Variants in MPPED2 observed in about 807,000 individuals in gnomAD.
MPPED2 encodes the protein metallophosphoesterase domain containing 2, also known as metallophosphoesterase MPPED2.
MPPED2 carries 5 observed loss-of-function variants against 33.0 expected under a neutral mutation model. The observed-to-expected ratio is 0.15, with a 90% CI of 0.08 to 0.32. MPPED2 has a LOEUF of 0.32. Among genes scored for constraint, MPPED2 ranks in the 10% least tolerant of loss-of-function variants. The probability of loss-of-function intolerance (pLI) is 1.00; values close to 1 mark genes in which losing one functional copy is unlikely to be tolerated. For synonymous variants in MPPED2, 136 were observed against 141.9 expected (o/e 0.96, Z 0.29); for missense variants, 275 against 372.1 (o/e 0.74, Z 2.15).
At chr11:30,433,187 T>C (rs1481427831) in intron 4 of MPPED2, among the ~76,000 whole-genome samples, 2 of 152,224 alleles carry the variant, frequency 1.3e-5, no homozygotes, top group Non-Finnish European at 2.9e-5. Context: ...AAGGGTTCTA[T>C]GGTTAAATAA....
intron 2 of MPPED2, among the ~76,000 whole-genome samples, chr11:30,558,586 T>G (rs1457358781): frequency 1.3e-5 from 2 of 151,652 alleles, no homozygotes; most frequent in Admixed American, 1.3e-4. Flanking sequence ...CAGCTTTTTT[T>G]TTTTTTTTAA....
intron 4 of MPPED2, among the ~76,000 whole-genome samples, chr11:30,490,919 T>C (rs1951952128): frequency 6.6e-6 from 1 of 152,212 alleles, no homozygotes; most frequent in Non-Finnish European, 1.5e-5. Flanking sequence ...CGATTACTTT[T>C]GAGAAACCTG....
intron 3 of MPPED2, among the ~76,000 whole-genome samples, chr11:30,533,916 T>C (rs1204009207): frequency 6.6e-6 from 1 of 152,248 alleles, no homozygotes; most frequent in East Asian, 1.9e-4. Context: ...TTACTTCTGA[T>C]CTACTAAATA....
chr11:30,403,639 A>ATCACCATCGTCTTTTATCTTCATT (rs1947945324), intron 6 of MPPED2, among the ~76,000 whole-genome samples: 1 of 152,216 alleles, frequency 6.6e-6, no homozygotes, highest in Admixed American at 6.5e-5. Flanking sequence ...TGATGCTTCA[A>ATCACCATCGTCTTTTATCTTCATT]ATCTTTTATC....
intron 4 of MPPED2, among the ~76,000 whole-genome samples, chr11:30,421,248 C>G (rs1034532203): frequency 7.9e-5 from 12 of 152,140 alleles, no homozygotes; most frequent in African/African-American, 2.7e-4. Context: ...TCTCTTAAAA[C>G]CCCACAGCCA....
intron 4 of MPPED2, among the ~76,000 whole-genome samples, chr11:30,443,793 C>T (rs1180635965): frequency 1.3e-5 from 2 of 152,192 alleles, no homozygotes; most frequent in Admixed American, 1.3e-4. Flanking sequence ...GTATGAATTA[C>T]TGACAGTTCT....
intron 4 of MPPED2, among the ~76,000 whole-genome samples, chr11:30,481,489 G>T (rs1383614396): frequency 6.6e-6 from 1 of 152,138 alleles, no homozygotes; most frequent in African/African-American, 2.4e-5. Flanking sequence ...TTGAACAAAA[G>T]CATCCAAGTC....
chr11:30,577,049 C>T (rs952011385), intron 2 of MPPED2, among the ~76,000 whole-genome samples: 1 of 152,152 alleles, frequency 6.6e-6, no homozygotes, highest in East Asian at 1.9e-4. Flanking sequence ...AAGATGGGGA[C>T]TGGGTCTTAT....
intron 4 of MPPED2, among the ~76,000 whole-genome samples, chr11:30,430,364 A>G (rs1312166324): frequency 6.6e-6 from 1 of 152,212 alleles, no homozygotes; most frequent in Non-Finnish European, 1.5e-5. Flanking sequence ...ATGTGAAAAT[A>G]CTTTAATAGC....
chr11:30,547,524 T>C (rs972923487), intron 2 of MPPED2, among the ~76,000 whole-genome samples: 2 of 152,216 alleles, frequency 1.3e-5, no homozygotes, highest in African/African-American at 4.8e-5. Context: ...ACATTAAGCT[T>C]GGAAGTTAGA....
At chr11:30,490,479 T>G (rs1018353596) in intron 4 of MPPED2, among the ~76,000 whole-genome samples, 7 of 152,158 alleles carry the variant, frequency 4.6e-5, no homozygotes, top group African/African-American at 7.2e-5. Context: ...CCTTAAGGCC[T>G]CCTGAGGTAA....
chr11:30,495,241 T>C, intron 4 of MPPED2, 55 bp downstream of exon 4: 2 of 1,227,526 alleles, frequency 1.6e-6, no homozygotes, highest in Admixed American at 3.5e-5. Context: ...TGAGCTGTGT[T>C]TTCTTGGTAC....
chr11:30,520,824 G>T (rs565698742), intron 3 of MPPED2, among the ~76,000 whole-genome samples: 1 of 152,160 alleles, frequency 6.6e-6, no homozygotes. Flanking sequence ...TGGTTGCAAA[G>T]GTTGTTCACT....
chr11:30,558,147 C>T (rs1047826339), intron 2 of MPPED2, among the ~76,000 whole-genome samples: 17 of 152,132 alleles, frequency 1.1e-4, no homozygotes, highest in African/African-American at 2.9e-4. Flanking sequence ...CACACACACA[C>T]GTATATATTT....
chr11:30,395,293 C>T (rs1947826023), intron 6 of MPPED2, among the ~76,000 whole-genome samples: 1 of 152,088 alleles, frequency 6.6e-6, no homozygotes, highest in Non-Finnish European at 1.5e-5. Flanking sequence ...ATAGTATATT[C>T]CAGGTCAGTA....
chr11:30,564,927 A>G (rs1321966120), intron 2 of MPPED2, among the ~76,000 whole-genome samples: 1 of 152,178 alleles, frequency 6.6e-6, no homozygotes, highest in Non-Finnish European at 1.5e-5. Flanking sequence ...CATGTAAACA[A>G]TTCAGAACCT....
intron 2 of MPPED2, among the ~76,000 whole-genome samples, chr11:30,538,033 T>TC (rs1954906447): frequency 6.6e-6 from 1 of 152,152 alleles, no homozygotes; most frequent in Non-Finnish European, 1.5e-5. Flanking sequence ...TGGGGCTGAC[T>TC]GTGTCACTCT....
At chr11:30,398,163 T>C in intron 6 of MPPED2, among the ~76,000 whole-genome samples, 1 of 152,168 alleles carries the variant, frequency 6.6e-6, no homozygotes, top group Non-Finnish European at 1.5e-5. Flanking sequence ...CAGAGTTAAA[T>C]TTGCCTCAAT....
intron 2 of MPPED2, among the ~76,000 whole-genome samples, chr11:30,541,983 T>C (rs1955146732): frequency 1.3e-5 from 2 of 152,200 alleles, no homozygotes; most frequent in Non-Finnish European, 2.9e-5. Context: ...TAAACTTATA[T>C]TTGTGATGTT....
Sources: gnomAD v4.1 joint callset for allele counts (sites outside exome capture counted in the v4.1 genomes callset) on GRCh38, gnomAD v4.1.1 for gene constraint, MANE v1.5 for transcripts, NCBI Gene and HGNC (gene_info 2026-07-23, HGNC 2026-07-21) for gene names.